DPP6: variants seen among roughly 807,000 people sequenced by gnomAD.
DPP6 encodes the protein dipeptidyl peptidase like 6.
DPP6 carries 69 observed loss-of-function variants against 122.6 expected under a neutral mutation model. The ratio of observed to expected loss-of-function variants is 0.56; its 90% CI spans 0.46 to 0.69. DPP6 has a LOEUF of 0.69. DPP6 is among the 30% of genes least tolerant of loss of function. The pLI is 0.00. For missense variants in DPP6, 928 were observed against 1,116.9 expected (o/e 0.83, Z 2.41); for synonymous variants, 418 against 433.1 (o/e 0.97, Z 0.43).
At chr7:154,296,535 T>C (rs1181740761) in intron 1 of DPP6, among the ~76,000 whole-genome samples, 10 of 152,212 alleles carry the variant, frequency 6.6e-5, no homozygotes, top group Admixed American at 6.5e-4. Flanking sequence ...CCCAGCCTCC[T>C]GTGTCCTTGG....
At chr7:154,396,867 C>T (rs1221635518) in intron 1 of DPP6, among the ~76,000 whole-genome samples, 4 of 152,188 alleles carry the variant, frequency 2.6e-5, no homozygotes, top group African/African-American at 9.6e-5. Flanking sequence ...ATCACTTGAA[C>T]CTAGGAGGCG....
intron 5 of DPP6, among the ~76,000 whole-genome samples, chr7:154,626,370 T>A (rs1403183500): frequency 1.3e-5 from 2 of 152,252 alleles, no homozygotes; most frequent in Non-Finnish European, 2.9e-5. Flanking sequence ...ATTGTTCATC[T>A]CCTAAATGTA....
chr7:154,033,950 G>A (rs1345097239), intron 1 of DPP6, among the ~76,000 whole-genome samples: 1 of 152,134 alleles, frequency 6.6e-6, no homozygotes, highest in African/African-American at 2.4e-5. Context: ...TCATTGACAG[G>A]CATCACACAG....
At chr7:154,521,371 T>G (rs1050914274) in intron 3 of DPP6, among the ~76,000 whole-genome samples, 1 of 152,092 alleles carries the variant, frequency 6.6e-6, no homozygotes, top group African/African-American at 2.4e-5. Flanking sequence ...TAAATTGTTT[T>G]TTTTTTTTTC....
chr7:154,312,477 T>C (rs187845070), intron 1 of DPP6, among the ~76,000 whole-genome samples: 1 of 152,324 alleles, frequency 6.6e-6, no homozygotes, highest in East Asian at 1.9e-4. Context: ...TTTTAAGAAA[T>C]TTAACTTCCC....
chr7:154,291,253 A>C (rs1805193045), intron 1 of DPP6, among the ~76,000 whole-genome samples: 2 of 152,178 alleles, frequency 1.3e-5, no homozygotes, highest in African/African-American at 2.4e-5. Context: ...TGGGCTTGAA[A>C]TGGAGGCCTC....
the DPP6 span, among the ~76,000 whole-genome samples, chr7:153,824,368 C>T: frequency 8.7e-6 from 1 of 114,832 alleles, no homozygotes; most frequent in African/African-American, 3.5e-5. Flanking sequence ...GCCTGGGCAA[C>T]AGAGGGAGAG....
chr7:154,492,128 A>G (rs970862463), intron 3 of DPP6, among the ~76,000 whole-genome samples: 1 of 152,238 alleles, frequency 6.6e-6, no homozygotes, highest in East Asian at 1.9e-4. Context: ...ACAAAGGCAA[A>G]TAAGACAAGC....
chr7:154,298,781 A>G (rs1305625731), intron 1 of DPP6, among the ~76,000 whole-genome samples: 1 of 152,050 alleles, frequency 6.6e-6, no homozygotes. Context: ...CCCAAGAGGA[A>G]ACTCTTCCTC....
chr7:154,149,945 A>G (rs1466938546), intron 1 of DPP6, among the ~76,000 whole-genome samples: 1 of 151,864 alleles, frequency 6.6e-6, no homozygotes, highest in African/African-American at 2.4e-5. Flanking sequence ...GCTCATTGGG[A>G]GAAGGCGGCT....
intron 5 of DPP6, among the ~76,000 whole-genome samples, chr7:154,604,686 A>C (rs117401751): frequency 0.018 from 2,117 of 120,954 alleles, 640 homozygotes; most frequent in South Asian, 0.031. Flanking sequence ...TTAATCACAC[A>C]CTTTGCATTG....
chr7:154,553,953 G>A (rs1021432727), intron 4 of DPP6, among the ~76,000 whole-genome samples: 1 of 149,332 alleles, frequency 6.7e-6, no homozygotes, highest in Non-Finnish European at 1.5e-5. Context: ...CCTGGGGAAC[G>A]ATCTGTTTCA....
intron 1 of DPP6, among the ~76,000 whole-genome samples, chr7:154,264,001 C>T (rs888888165): frequency 6.6e-6 from 1 of 152,108 alleles, no homozygotes; most frequent in African/African-American, 2.4e-5. Flanking sequence ...TTGTTATGTT[C>T]TTTTCTTGGA....
chr7:154,823,468 C>T (rs1487145165), intron 16 of DPP6, among the ~76,000 whole-genome samples: 1 of 152,122 alleles, frequency 6.6e-6, no homozygotes, highest in East Asian at 1.9e-4. Flanking sequence ...ATACATAGAC[C>T]TTATTGGCAA....
chr7:154,762,006 CCAAA>C (rs1173904236), intron 8 of DPP6, among the ~76,000 whole-genome samples: 6 of 152,102 alleles, frequency 3.9e-5, no homozygotes, highest in African/African-American at 7.2e-5. Context: ...CATCCATGTC[CCAAA>C]CAGTCAGATC....
chr7:154,404,981 C>A (rs976650685), intron 1 of DPP6, among the ~76,000 whole-genome samples: 8 of 152,132 alleles, frequency 5.3e-5, no homozygotes, highest in Admixed American at 5.2e-4. Flanking sequence ...GTAATAATAA[C>A]AAATGTGTTT....
intron 1 of DPP6, among the ~76,000 whole-genome samples, chr7:154,307,795 A>C (rs1484931376): frequency 2.6e-5 from 4 of 151,556 alleles, no homozygotes; most frequent in Non-Finnish European, 5.9e-5. Context: ...TGCTAATGAA[A>C]CTTCAGGGAT....
chr7:153,938,355 A>G (rs1031869650), intron 1 of DPP6, among the ~76,000 whole-genome samples: 1 of 152,238 alleles, frequency 6.6e-6, no homozygotes, highest in African/African-American at 2.4e-5. Flanking sequence ...GGAATCTGTC[A>G]GATTTATCAC....
chr7:154,805,287 C>CG (rs202247323), intron 15 of DPP6, among the ~76,000 whole-genome samples: 2 of 149,034 alleles, frequency 1.3e-5, no homozygotes, highest in South Asian at 2.1e-4. Flanking sequence ...AGGAATTCTG[C>CG]CCCCCCTGCC....
Sources: allele counts gnomAD v4.1 joint callset (sites outside exome capture counted in the v4.1 genomes callset), GRCh38; gene constraint gnomAD v4.1.1; transcripts MANE v1.5; gene names NCBI Gene and HGNC (gene_info 2026-07-23, HGNC 2026-07-21).